Variants in PRKD1 observed in about 807,000 individuals in gnomAD.
PRKD1 encodes the protein serine/threonine-protein kinase D1.
PRKD1 carries 63 observed loss-of-function variants against 95.9 expected under a neutral mutation model. That is an observed-to-expected ratio of 0.66 (90% CI 0.54 to 0.81). PRKD1 has a LOEUF of 0.81. Among genes scored for constraint, PRKD1 ranks in the 30% least tolerant of loss-of-function variants. The probability of loss-of-function intolerance (pLI) is 0.00; values close to 1 mark genes in which losing one functional copy is unlikely to be tolerated. For missense variants in PRKD1, 1,048 were observed against 1,165.3 expected, an observed-to-expected ratio of 0.90 and a Z score of 1.47; for synonymous variants, 425 against 423.1, an observed-to-expected ratio of 1.00 and a Z score of -0.05.
intron 1 of PRKD1, among the ~76,000 whole-genome samples, chr14:29,731,561 T>A (rs1296884344): frequency 6.6e-6 from 1 of 152,198 alleles, no homozygotes; most frequent in African/African-American, 2.4e-5. Context: ...TTGTGGATTT[T>A]TTTCTCTTTT....
At chr14:29,617,163 G>A (rs546598299) in intron 13 of PRKD1, among the ~76,000 whole-genome samples, 5 of 152,106 alleles carry the variant, frequency 3.3e-5, no homozygotes, top group Non-Finnish European at 5.9e-5. Context: ...GTATTCCATG[G>A]TCTTTATGTA....
At chr14:29,775,664 G>C (rs1888711065) in intron 1 of PRKD1, among the ~76,000 whole-genome samples, 1 of 152,166 alleles carries the variant, frequency 6.6e-6, no homozygotes, top group African/African-American at 2.4e-5. Flanking sequence ...AAACTGGGTG[G>C]AGGCCACCAA....
chr14:29,886,574 A>C (rs1398210349), intron 1 of PRKD1, among the ~76,000 whole-genome samples: 2 of 152,238 alleles, frequency 1.3e-5, no homozygotes, highest in Admixed American at 6.5e-5. Context: ...TACTTTCAAC[A>C]ATCATATTTT....
intron 16 of PRKD1, among the ~76,000 whole-genome samples, chr14:29,579,378 AAG>A (rs1892679307): frequency 6.6e-6 from 1 of 151,294 alleles, no homozygotes; most frequent in African/African-American, 2.4e-5. Context: ...TTATATTTCA[AAG>A]AGTTAATTTT....
chr14:29,601,744 T>C (rs1326160365), intron 13 of PRKD1, among the ~76,000 whole-genome samples: 10 of 152,232 alleles, frequency 6.6e-5, no homozygotes, highest in Non-Finnish European at 1.2e-4. Flanking sequence ...ACTTGTTTGA[T>C]AGGCACTATG....
intron 1 of PRKD1, among the ~76,000 whole-genome samples, chr14:29,743,881 G>T (rs1391196335): frequency 1.3e-5 from 2 of 152,134 alleles, no homozygotes; most frequent in Non-Finnish European, 2.9e-5. Flanking sequence ...TTCTTCTCTG[G>T]ATTCCAGAAT....
At chr14:29,827,932 T>A (rs1483553619) in intron 1 of PRKD1, among the ~76,000 whole-genome samples, 1 of 151,974 alleles carries the variant, frequency 6.6e-6, no homozygotes, top group African/African-American at 2.4e-5. Context: ...TCCCACTGTA[T>A]CTCCCTCCCT....
At chr14:29,872,259 A>C (rs1029884873) in intron 1 of PRKD1, among the ~76,000 whole-genome samples, 1 of 152,238 alleles carries the variant, frequency 6.6e-6, no homozygotes, top group Non-Finnish European at 1.5e-5. Flanking sequence ...CAATTCAGAA[A>C]AAATTTATTA....
At chr14:29,727,389 C>G (rs1337979684) in intron 1 of PRKD1, among the ~76,000 whole-genome samples, 5 of 145,302 alleles carry the variant, frequency 3.4e-5, no homozygotes, top group African/African-American at 1.2e-4. Context: ...TGCAGAAGCT[C>G]TTTAGTTAAT....
chr14:29,646,181 C>G (rs575033747), intron 4 of PRKD1, among the ~76,000 whole-genome samples: 1 of 152,080 alleles, frequency 6.6e-6, no homozygotes, highest in Admixed American at 6.6e-5. Flanking sequence ...GCATAGACGC[C>G]AAGGTGAGTC....
chr14:29,778,640 T>C (rs1398998591), intron 1 of PRKD1, among the ~76,000 whole-genome samples: 1 of 152,132 alleles, frequency 6.6e-6, no homozygotes, highest in Non-Finnish European at 1.5e-5. Context: ...ATTGAGGCAA[T>C]AATTAATAGC....
intron 2 of PRKD1, among the ~76,000 whole-genome samples, chr14:29,716,341 G>A (rs1168420048): frequency 6.6e-6 from 1 of 152,176 alleles, no homozygotes; most frequent in East Asian, 1.9e-4. Flanking sequence ...ATTGCTGACA[G>A]AGATCTATGG....
chr14:29,801,383 G>A (rs1890019856), intron 1 of PRKD1, among the ~76,000 whole-genome samples: 1 of 152,164 alleles, frequency 6.6e-6, no homozygotes, highest in Non-Finnish European at 1.5e-5. Context: ...GCCTGGCTAA[G>A]TTGACACGTG....
chr14:29,749,712 A>C (rs924796228), intron 1 of PRKD1, among the ~76,000 whole-genome samples: 1 of 152,180 alleles, frequency 6.6e-6, no homozygotes. Flanking sequence ...TGGTCACAGT[A>C]AAGTTTAATA....
intron 1 of PRKD1, among the ~76,000 whole-genome samples, chr14:29,763,691 T>G (rs905661402): frequency 6.6e-6 from 1 of 152,054 alleles, no homozygotes; most frequent in Non-Finnish European, 1.5e-5. Flanking sequence ...AACTGAGGAT[T>G]TGGCCTGTGT....
At chr14:29,635,411 G>C (rs996545903) in intron 7 of PRKD1, among the ~76,000 whole-genome samples, 1 of 152,050 alleles carries the variant, frequency 6.6e-6, no homozygotes, top group East Asian at 1.9e-4. Flanking sequence ...CTAAAGAAGT[G>C]TATGTCTTCA....
intron 16 of PRKD1, among the ~76,000 whole-genome samples, chr14:29,592,266 G>T (rs1893156624): frequency 6.6e-6 from 1 of 150,400 alleles, no homozygotes; most frequent in Non-Finnish European, 1.5e-5. Flanking sequence ...CCTTAGGATA[G>T]ACTGAAATGT....
At chr14:29,898,564 A>G (rs1247573606) in intron 1 of PRKD1, among the ~76,000 whole-genome samples, 1 of 152,086 alleles carries the variant, frequency 6.6e-6, no homozygotes, top group Non-Finnish European at 1.5e-5. Flanking sequence ...ACACTGTGTC[A>G]CTTTACTTAG....
intron 1 of PRKD1, among the ~76,000 whole-genome samples, chr14:29,786,780 C>CA (rs949373392): frequency 1.8e-4 from 27 of 151,164 alleles, no homozygotes; most frequent in African/African-American, 4.6e-4. Context: ...TTTATCTTTT[C>CA]AAAAAAAAGC....
Sources: gnomAD v4.1 joint callset for allele counts (sites outside exome capture counted in the v4.1 genomes callset) on GRCh38, gnomAD v4.1.1 for gene constraint, MANE v1.5 for transcripts, NCBI Gene and HGNC (gene_info 2026-07-23, HGNC 2026-07-21) for gene names.